The following GPATCH2 variants were observed in gnomAD, a reference collection of about 807,000 sequenced individuals.
The protein encoded by GPATCH2 is G-patch domain containing 2.
In GPATCH2, 51 loss-of-function variants were observed where a neutral mutation model predicts 58.0. That is an observed-to-expected ratio of 0.88 (90% CI 0.70 to 1.11). The LOEUF (loss-of-function observed/expected upper bound fraction) is 1.11. Among genes scored for constraint, GPATCH2 ranks in the 50% most tolerant of loss-of-function variants. GPATCH2 has a pLI of 0.00. For synonymous variants in GPATCH2, 222 were observed against 218.5 expected (o/e 1.02, Z -0.14); for missense variants, 625 against 652.2 (o/e 0.96, Z 0.45).
chr1:217,467,606 G>A (rs2102496842), intron 8 of GPATCH2, among the ~76,000 whole-genome samples: 1 of 151,906 alleles, frequency 6.6e-6, no homozygotes, highest in South Asian at 2.1e-4. Context: ...TAATATGGTT[G>A]GAAAAAGATT....
At chr1:217,565,293 A>G (rs1666163728) in intron 5 of GPATCH2, among the ~76,000 whole-genome samples, 2 of 152,226 alleles carry the variant, frequency 1.3e-5, no homozygotes, top group African/African-American at 4.8e-5. Flanking sequence ...TTTATAGTCA[A>G]TGTACATTAA....
At chr1:217,584,364 T>TATATACACAC (rs1226981154) in intron 5 of GPATCH2, among the ~76,000 whole-genome samples, 3 of 121,550 alleles carry the variant, frequency 2.5e-5, no homozygotes, top group Non-Finnish European at 3.3e-5. Flanking sequence ...TATATATATA[T>TATATACACAC]ACACACACAC....
At chr1:217,628,932 G>C (rs1669593157) in intron 1 of GPATCH2, among the ~76,000 whole-genome samples, 1 of 151,950 alleles carries the variant, frequency 6.6e-6, no homozygotes, top group African/African-American at 2.4e-5. Context: ...AAGAATTTTG[G>C]GGGGGTATAC....
Position 217,571,720 on chromosome 1 carries a change from A to AC in GPATCH2, c.1098+38600dup, listed in dbSNP as rs1553343125. On this transcript the variant is annotated intron_variant, in intron 5 of 9. Transcript: ENST00000366935. Reference sequence around the variant, plus strand: ...AACGAAACCAAAAAAAAAAAAAAAAACAAAAAAGAAGAAAATAAGAAAATT... The same window carrying AC: ...AACGAAACCAAAAAAAAAAAAAAAAACCAAAAAAGAAGAAAATAAGAAAATT... Among the ~76,000 whole-genome samples the AC allele has an allele frequency of 6.9e-5, 10 of 145,168 alleles. No homozygotes were observed. The East Asian group carries it at 8.5e-4, about 12-fold the overall frequency.
intron 6 of GPATCH2, among the ~76,000 whole-genome samples, chr1:217,501,773 A>G (rs1662317962): frequency 6.6e-6 from 1 of 151,720 alleles, no homozygotes; most frequent in Non-Finnish European, 1.5e-5. Context: ...TTTTTTGTCC[A>G]TTTTCTAACT....
chr1:217,515,260 T>C (rs1238755384), intron 5 of GPATCH2, among the ~76,000 whole-genome samples: 1 of 152,030 alleles, frequency 6.6e-6, no homozygotes, highest in Non-Finnish European at 1.5e-5. Context: ...CACGCCCGGC[T>C]AATTTTTTTG....
intron 8 of GPATCH2, among the ~76,000 whole-genome samples, chr1:217,482,983 A>AATTTTACATAAATG (rs1183586435): frequency 6.6e-6 from 1 of 152,034 alleles, no homozygotes; most frequent in African/African-American, 2.4e-5. Flanking sequence ...TGTTTCCTAG[A>AATTTTACATAAATG]ATTTTACATA....
chr1:217,429,264 G>C lies in GPATCH2; in HGVS notation c.*1881C>G, dbSNP rs1260194315. 6.6e-6 allele frequency: 1 copy of C among 152,118 alleles called. No homozygotes were observed. Among genetic ancestry groups the C allele is most frequent in the East Asian group, 1.9e-4 (1 of 5,198 alleles). 9.4% of individuals were successfully genotyped at this position (152,118 alleles called of 1,614,324 possible). ...CAAATTTGTAAGTAAAAAACTTGTA[G>C]AAAGTAATGATACCATGGGGTTACT... On this transcript the variant is annotated 3_prime_UTR_variant, in exon 10 of 10. Transcript: ENST00000366935.
At chr1:217,609,452 T>C in intron 5 of GPATCH2, 2 of 983,118 alleles carry the variant, frequency 2.0e-6, no homozygotes, top group Non-Finnish European at 2.4e-6. Flanking sequence ...TAAATGATTC[T>C]ACTAGTGCAG....
At chr1:217,544,637 T>C (rs2102651890) in intron 5 of GPATCH2, among the ~76,000 whole-genome samples, 1 of 152,268 alleles carries the variant, frequency 6.6e-6, no homozygotes, top group Non-Finnish European at 1.5e-5. Flanking sequence ...TGAGATGAAC[T>C]CTATCAATGT....
chr1:217,484,554 A>ATT (rs923225939), intron 8 of GPATCH2, among the ~76,000 whole-genome samples: 177 of 73,062 alleles, frequency 2.4e-3, no homozygotes, highest in African/African-American at 6.3e-3. Context: ...ATATATAATT[A>ATT]TTTATATATA....
intron 5 of GPATCH2, among the ~76,000 whole-genome samples, chr1:217,606,541 T>A (rs1044357415): frequency 1.4e-4 from 21 of 152,024 alleles, no homozygotes; most frequent in African/African-American, 5.1e-4. Flanking sequence ...AGGAGTTTGA[T>A]ACCAGCCTGG....
At chr1:217,468,049 A>G (rs1245457040) in intron 8 of GPATCH2, among the ~76,000 whole-genome samples, 7 of 152,208 alleles carry the variant, frequency 4.6e-5, no homozygotes, top group Admixed American at 2.6e-4. Flanking sequence ...TTAGGAACCA[A>G]TTCATTTTGA....
At chr1:217,433,870 C>A (rs1328818310) in intron 9 of GPATCH2, among the ~76,000 whole-genome samples, 1 of 152,174 alleles carries the variant, frequency 6.6e-6, no homozygotes, top group African/African-American at 2.4e-5. Flanking sequence ...ACTTGTAGAA[C>A]AAGGAAAGCC....
intron 5 of GPATCH2, among the ~76,000 whole-genome samples, chr1:217,579,262 A>C (rs1666946643): frequency 6.6e-6 from 1 of 152,206 alleles, no homozygotes; most frequent in Non-Finnish European, 1.5e-5. Flanking sequence ...AAACAGTGGC[A>C]AAGAATGGCA....
At chr1:217,614,256 C>A (rs150089351) in intron 2 of GPATCH2, 54 bp from the exon 3 acceptor site, 6 of 1,031,426 alleles carry the variant, frequency 5.8e-6, no homozygotes, top group East Asian at 4.8e-5. Flanking sequence ...ATCTCTCAGT[C>A]GTAAAATTTT....
rs147963693 is a variant in GPATCH2, at chr1:217,448,389, T to G, written c.1366+860A>C. ...TCTTTGTATCTACACTGAAAAACATTTTCTCATACAGCTTGCTGCATCACA... is the reference window on the plus strand; with the variant it reads ...TCTTTGTATCTACACTGAAAAACATGTTCTCATACAGCTTGCTGCATCACA... On this transcript the variant is annotated intron_variant, in intron 9 of 9. Coordinates refer to ENST00000366935, the MANE Select transcript of GPATCH2 (RefSeq NM_018040.5). Among the ~76,000 whole-genome samples the G allele has an allele frequency of 4.6e-5, 7 of 152,250 alleles. No homozygotes were observed. The East Asian group carries it at 1.4e-3, about 29-fold the overall frequency.
intron 3 of GPATCH2, 66 bp from the exon 4 acceptor site, chr1:217,611,137 T>C: frequency 7.2e-7 from 1 of 1,382,932 alleles, no homozygotes; most frequent in Non-Finnish European, 9.9e-7. Flanking sequence ...ACACAATTAG[T>C]CTTGTCAGGT....
chr1:217,630,192 A>G (rs933550122), intron 1 of GPATCH2, among the ~76,000 whole-genome samples: 6 of 152,242 alleles, frequency 3.9e-5, no homozygotes, highest in African/African-American at 1.4e-4. Context: ...ATTAAAATGT[A>G]CAGGGCAACT....
Sources: allele counts gnomAD v4.1 joint callset (sites outside exome capture counted in the v4.1 genomes callset), GRCh38; gene constraint gnomAD v4.1.1; transcripts MANE v1.5; gene names NCBI Gene and HGNC (gene_info 2026-07-23, HGNC 2026-07-21).